FMN1: variants seen among roughly 807,000 people sequenced by gnomAD.
The protein encoded by FMN1 is formin 1.
FMN1 carries 110 observed loss-of-function variants against 132.4 expected under a neutral mutation model. The observed-to-expected ratio is 0.83, with a 90% confidence interval of 0.71 to 0.97. The LOEUF (loss-of-function observed/expected upper bound fraction) is 0.97. Ranked by LOEUF, FMN1 falls within the 50% of genes least tolerant of loss-of-function variation. The pLI is 0.00. For missense variants in FMN1, 1,792 were observed against 1,705.3 expected (o/e 1.05, Z -0.90); for synonymous variants, 722 against 651.7 (o/e 1.11, Z -1.64).
intron 12 of FMN1, among the ~76,000 whole-genome samples, chr15:32,904,667 T>A (rs904916919): frequency 5.3e-5 from 8 of 152,122 alleles, no homozygotes; most frequent in African/African-American, 1.7e-4. Context: ...AGTTTTGGCG[T>A]GGATATTGGG....
rs566606361 is a variant in FMN1 at position 33,124,725 on chromosome 15, G to C, written c.1867+28323C>G. Among the ~76,000 whole-genome samples the C allele has an allele frequency of 3.3e-5, 5 of 152,178 alleles. No homozygotes were observed. In the South Asian group the frequency reaches 1.0e-3, roughly 32 times the overall value. ...TCCACAAAGTCTGGAAGGAGAGGGA[G>C]GAAATCTCACAAATCAGACACTAAA... On this transcript the variant is annotated intron_variant, in intron 4 of 20. Coordinates refer to ENST00000616417, the MANE Select transcript of FMN1 (RefSeq NM_001277313.2).
Position 32,969,310 on chromosome 15 carries a change from T to C in FMN1, c.2391A>G (p.Pro797=), listed in dbSNP as rs1390964363. ...VCISTDDDCP[P]KTFRNVCVQT... is the part of the protein sequence containing the mutation. ...GGACGCACACATTTCTGAAGGTCTT[T>C]GGAGGGCAGTCATCATCGGTGGAAA... The change falls in exon 8 of 21, where the codon CCA becomes CCG. Residue 797 remains proline (P), a synonymous_variant. Coordinates refer to ENST00000616417, the MANE Select transcript of FMN1 (RefSeq NM_001277313.2). 2 of 1,613,996 alleles carry C rather than the reference T, an allele frequency of 1.2e-6. No individual in the cohort carries two copies. The highest frequency in any genetic ancestry group is 2.2e-5 in the South Asian group (2 of 91,084).
intron 16 of FMN1, among the ~76,000 whole-genome samples, chr15:32,865,107 G>C (rs879295582): frequency 1.3e-5 from 2 of 152,278 alleles, no homozygotes; most frequent in African/African-American, 4.8e-5. Context: ...GAGAGAAAGA[G>C]GGAGAGAGAG....
chr15:32,900,072 A>G lies in FMN1; in HGVS notation c.3561T>C (p.Phe1187=), dbSNP rs1425068280. The G allele has an allele frequency of 3.7e-6, 6 of 1,613,922 alleles. No individual in the cohort carries two copies. Among genetic ancestry groups the G allele is most frequent in the Admixed American group, 3.3e-5 (2 of 60,024 alleles). The change falls in exon 14 of 21, where the codon TTT becomes TTC. Residue 1187 remains phenylalanine, a synonymous_variant. Transcript: ENST00000616417. ...VKDILALILA[F]GNYMNGGNRT... ...TATTTCCTCCATTCATATAATTTCCAAAAGCCAAGATGAGAGCTAAAATAT... is the reference window on the plus strand; with the variant it reads ...TATTTCCTCCATTCATATAATTTCCGAAAGCCAAGATGAGAGCTAAAATAT...
intron 4 of FMN1, among the ~76,000 whole-genome samples, chr15:33,091,801 A>G (rs1415826174): frequency 6.6e-6 from 1 of 152,214 alleles, no homozygotes; most frequent in Non-Finnish European, 1.5e-5. Context: ...GAATAAATTT[A>G]ATAAAAAGAG....
chr15:32,874,799 A>G lies in FMN1; in HGVS notation c.3835+13373T>C, dbSNP rs976036627. On this transcript the variant is annotated intron_variant, in intron 16 of 20. Coordinates refer to ENST00000616417, the MANE Select transcript of FMN1 (RefSeq NM_001277313.2). ...AGAATAAATATTTGCTGAACAAATT[A>G]ATTGATTGAAAAGGTCAAACAAGAT... is the stretch of plus-strand genomic sequence containing the variant. Among the ~76,000 whole-genome samples, 6 of 152,140 alleles carry G rather than the reference A, an allele frequency of 3.9e-5. No individual in the cohort carries two copies. The South Asian group carries it at 1.0e-3, about 26-fold the overall frequency.
intron 5 of FMN1, among the ~76,000 whole-genome samples, chr15:33,077,356 T>TTA (rs1237289831): frequency 6.8e-4 from 57 of 83,864 alleles, no homozygotes; most frequent in African/African-American, 2.2e-3. Context: ...TTTTTTTTAA[T>TTA]ATATATATAT....
chr15:32,827,835 C>T (rs1053344405), intron 17 of FMN1, among the ~76,000 whole-genome samples: 3 of 150,134 alleles, frequency 2.0e-5, no homozygotes, highest in African/African-American at 7.4e-5. Context: ...CAGAGCAAGA[C>T]TCCGTCTCAA....
intron 7 of FMN1, among the ~76,000 whole-genome samples, chr15:32,997,459 A>G (rs982136684): frequency 6.6e-6 from 1 of 152,122 alleles, no homozygotes; most frequent in Non-Finnish European, 1.5e-5. Context: ...TACATATCAA[A>G]TTTAGAAACC....
chr15:32,807,252 T>C (rs886515078), intron 17 of FMN1, among the ~76,000 whole-genome samples: 10 of 152,376 alleles, frequency 6.6e-5, no homozygotes, highest in East Asian at 1.9e-4. Context: ...TTTTGTTTTA[T>C]ATTAAAATGA....
chr15:32,899,727 T>C (rs2060248777), intron 14 of FMN1: 1 of 526,158 alleles, frequency 1.9e-6, no homozygotes, highest in Admixed American at 3.5e-5. Flanking sequence ...AATACCTGAT[T>C]GTGTATGTCA....
At chr15:32,863,241 T>C (rs1347241007) in intron 16 of FMN1, among the ~76,000 whole-genome samples, 2 of 152,070 alleles carry the variant, frequency 1.3e-5, no homozygotes, top group African/African-American at 4.8e-5. Context: ...CAGGAGACCA[T>C]CCTGCCTAAC....
intron 5 of FMN1, among the ~76,000 whole-genome samples, chr15:33,068,630 C>CTTTTT (rs5811728): frequency 1.9e-3 from 281 of 150,994 alleles, no homozygotes; most frequent in Admixed American, 3.0e-3. Flanking sequence ...GCCCTTGAAG[C>CTTTTT]TTTTTTTAAG....
intron 15 of FMN1, among the ~76,000 whole-genome samples, chr15:32,889,984 C>T (rs1475544507): frequency 6.6e-6 from 1 of 152,232 alleles, no homozygotes; most frequent in Non-Finnish European, 1.5e-5. Context: ...TTTGCATCCT[C>T]ATAGCTTAGC....
chr15:32,873,376 C>T (rs767728479), intron 16 of FMN1, among the ~76,000 whole-genome samples: 2 of 152,116 alleles, frequency 1.3e-5, no homozygotes, highest in African/African-American at 2.4e-5. Context: ...TGCTGGACGC[C>T]GTTAGTGGTA....
chr15:33,190,550 A>G (rs926595599), intron 2 of FMN1, among the ~76,000 whole-genome samples: 2 of 152,290 alleles, frequency 1.3e-5, no homozygotes, highest in Admixed American at 1.3e-4. Context: ...ATGTGGATAG[A>G]TACTCACGTG....
chr15:32,833,080 C>T (rs577054718), intron 17 of FMN1, among the ~76,000 whole-genome samples: 1 of 152,194 alleles, frequency 6.6e-6, no homozygotes, highest in African/African-American at 2.4e-5. Context: ...TCTTCTCCAC[C>T]GCCACCACTC....
chr15:32,839,325 C>A (rs1340640384), intron 17 of FMN1, among the ~76,000 whole-genome samples: 1 of 152,078 alleles, frequency 6.6e-6, no homozygotes, highest in Admixed American at 6.5e-5. Context: ...ACCAACCCAC[C>A]CTTCAGGCGT....
At chr15:33,044,760 G>A (rs2036600362) in intron 6 of FMN1, among the ~76,000 whole-genome samples, 2 of 152,164 alleles carry the variant, frequency 1.3e-5, no homozygotes. Flanking sequence ...TCTGCTGAGA[G>A]CTGAAAAGAC....
Sources: allele counts gnomAD v4.1 joint callset (sites outside exome capture counted in the v4.1 genomes callset), GRCh38; gene constraint gnomAD v4.1.1; transcripts MANE v1.5; gene names NCBI Gene and HGNC (gene_info 2026-07-23, HGNC 2026-07-21).